Variants in MFSD11 observed in about 807,000 individuals in gnomAD.
MFSD11 encodes UNC93-like protein MFSD11.
In MFSD11, 36 loss-of-function variants were observed where a neutral mutation model predicts 53.5. That is an observed-to-expected ratio of 0.67 (90% CI 0.52 to 0.89). The LOEUF (loss-of-function observed/expected upper bound fraction) is 0.89. MFSD11 is among the 40% of genes least tolerant of loss of function. MFSD11 has a pLI of 0.00. For missense variants in MFSD11, 530 were observed against 543.9 expected, an observed-to-expected ratio of 0.97 and a Z score of 0.25; for synonymous variants, 186 against 184.9, an observed-to-expected ratio of 1.01 and a Z score of -0.05.
intron 7 of MFSD11, among the ~76,000 whole-genome samples, chr17:76,747,446 C>T (rs375072479): frequency 7.9e-5 from 12 of 152,086 alleles, no homozygotes; most frequent in African/African-American, 2.2e-4. Context: ...GTGATTCTTC[C>T]GCCTCAGCCT....
intron 2 of MFSD11, among the ~76,000 whole-genome samples, 159 bp from the exon 3 acceptor site, chr17:76,740,798 A>G (rs2077998742): frequency 3.3e-5 from 5 of 152,154 alleles, no homozygotes; most frequent in South Asian, 2.1e-4. Context: ...AAACTTTTAT[A>G]TGGTATTGAA....
In MFSD11 at chr17:76,767,037, T is replaced by G. The variant is rs536697657; in HGVS notation, c.683-349T>G. ...TAATTCTTTAGGGAAGTCAGTGCTT[T>G]GCTGATTGTTGACTCTCTCAAGAGC... On this transcript the variant is annotated intron_variant, in intron 8 of 12. Transcript: ENST00000685175. The G allele has an allele frequency of 6.2e-5, 12 of 193,272 alleles. 1 individual carries two copies. In the South Asian group the frequency reaches 6.7e-4, roughly 11 times the overall value. The allele number at this position is 193,272 out of a possible 1,614,324, so 12.0% of individuals were successfully genotyped here.
chr17:76,739,786 T>C (rs1342497068), intron 2 of MFSD11, among the ~76,000 whole-genome samples: 2 of 152,146 alleles, frequency 1.3e-5, no homozygotes, highest in Non-Finnish European at 2.9e-5. Context: ...GTATGTAATA[T>C]TTGAGAATGA....
downstream of MFSD11, among the ~76,000 whole-genome samples, chr17:76,780,092 A>T (rs751810905): frequency 9.2e-5 from 14 of 151,974 alleles, no homozygotes; most frequent in East Asian, 3.9e-4. Flanking sequence ...TTTTTTTTTT[A>T]AATTGAAATC....
At chr17:76,740,838 CTAAA>C (rs1204690441) in intron 2 of MFSD11, 115 bp from the exon 3 acceptor site, 5 of 638,342 alleles carry the variant, frequency 7.8e-6, no homozygotes, top group South Asian at 1.9e-5. Flanking sequence ...TAAATTCTGA[CTAAA>C]TAATATGAGT....
chr17:76,788,388 CAG>C, the MFSD11 span, among the ~76,000 whole-genome samples: 1 of 148,290 alleles, frequency 6.7e-6, no homozygotes, highest in African/African-American at 2.5e-5. Context: ...TGTTTTGAGA[CAG>C]AGTCTCGCTG....
chr17:76,755,827 T>A lies in MFSD11; in HGVS notation c.682+1740T>A, dbSNP rs1178389884. ...ATATATATATATTTTTTTTTTTTTT[T>A]TTTTTTTTTTTTTGAGATGGAGTTT... On this transcript the variant is annotated intron_variant, in intron 8 of 12. Transcript: ENST00000685175. Among the ~76,000 whole-genome samples, 94 of 80,368 alleles carry A rather than the reference T, an allele frequency of 1.2e-3. 5 individuals carry two copies. The highest frequency in any genetic ancestry group is 3.2e-3 in the African/African-American group (74 of 23,166). The allele number at this position is 80,368 out of a possible 152,430, so 52.7% of individuals were successfully genotyped here. A position where few individuals can be genotyped will look rare whatever the true frequency, so the allele number is the denominator to read the frequency against.
chr17:76,750,357 GTTAGTAATTTTTTTTTT>G (rs1429071102), intron 7 of MFSD11, among the ~76,000 whole-genome samples: 1 of 146,930 alleles, frequency 6.8e-6, no homozygotes, highest in Non-Finnish European at 1.5e-5. Flanking sequence ...TTTTTTGTGT[GTTAGTAATTTTTTTTTT>G]TTTTTTTTTT....
chr17:76,777,185 G>A (rs1250282452), intron 12 of MFSD11, among the ~76,000 whole-genome samples: 2 of 151,528 alleles, frequency 1.3e-5, no homozygotes, highest in Non-Finnish European at 2.9e-5. Flanking sequence ...GGAGAATGGT[G>A]TGAACCCGGG....
In MFSD11 at chr17:76,776,667, G is replaced by A; in HGVS notation, c.1185+126G>A. 1 of 918,516 alleles carries A rather than the reference G, an allele frequency of 1.1e-6. No individual in the cohort carries two copies. Among genetic ancestry groups the A allele is most frequent in the Non-Finnish European group, 1.5e-6 (1 of 663,668 alleles). The allele number at this position is 918,516 out of a possible 1,614,324, so 56.9% of individuals were successfully genotyped here. The stretch of plus-strand genomic sequence containing the variant: ...TATTTATTTTTATTTTTTTGATAGA[G>A]TCTCTCTCTGTCACTCAGGCTGGAG... On this transcript the variant is annotated intron_variant, in intron 12 of 12. Transcript: ENST00000685175. This position sits in a 1 kb window ranked among gnomAD's most constrained non-coding sequence, Gnocchi z 4.2.
downstream of MFSD11, among the ~76,000 whole-genome samples, chr17:76,781,608 C>T (rs182331039): frequency 6.6e-5 from 10 of 152,242 alleles, no homozygotes; most frequent in Admixed American, 6.5e-4. Context: ...CTGTACAACC[C>T]TGCTGGCAGA....
chr17:76,802,512 G>A, the MFSD11 span, among the ~76,000 whole-genome samples: 6 of 152,262 alleles, frequency 3.9e-5, no homozygotes, highest in African/African-American at 9.6e-5. Context: ...TCCGAGCAGC[G>A]TTATTTATAA....
chr17:76,801,824 C>CT, the MFSD11 span, among the ~76,000 whole-genome samples: 2 of 152,080 alleles, frequency 1.3e-5, no homozygotes, highest in African/African-American at 4.8e-5. Context: ...TCAGCAGGGT[C>CT]TTTAAGACTT....
chr17:76,795,319 C>A, the MFSD11 span, among the ~76,000 whole-genome samples: 74 of 116,218 alleles, frequency 6.4e-4, no homozygotes, highest in South Asian at 9.3e-4. Flanking sequence ...CTGTTTCTAC[C>A]AAAAAAAAAA....
chr17:76,749,468 G>A (rs1295425575), intron 7 of MFSD11, among the ~76,000 whole-genome samples: 1 of 151,736 alleles, frequency 6.6e-6, no homozygotes, highest in Non-Finnish European at 1.5e-5. Context: ...CGCGGAGGTT[G>A]CAGTGAGCCA....
chr17:76,798,446 G>A, the MFSD11 span, among the ~76,000 whole-genome samples: 1 of 152,202 alleles, frequency 6.6e-6, no homozygotes, highest in East Asian at 1.9e-4. Flanking sequence ...GGGATGAAAC[G>A]CCCAACCTTC....
chr17:76,769,654 C>A, intron 9 of MFSD11, 92 bp from the exon 10 acceptor site: 4 of 965,196 alleles, frequency 4.1e-6, no homozygotes, highest in South Asian at 1.6e-5. Flanking sequence ...TGTTTTACTA[C>A]GCAAGTATTC....
rs778211604 is a variant in MFSD11 at position 76,769,860 on chromosome 17, G to A, written c.863G>A (p.Gly288Glu). Reference protein sequence around the residue: ...IGLSGIFIGIGEILGGSLFGL... With the variant: ...IGLSGIFIGIEEILGGSLFGL... ...CTTTCTGGCATTTTCATCGGCATTG[G>A]AGAAATTTTAGGTTGGTTTTAAAAA... The change falls in exon 10 of 13, where the codon GGA (glycine) becomes GAA (glutamate). Residue 288 changes from glycine to glutamate, a missense_variant. Transcript: ENST00000685175. 8.7e-6 allele frequency: 14 copies of A among 1,606,702 alleles called. No homozygotes were observed. Among genetic ancestry groups the A allele is most frequent in the Admixed American group, 3.5e-5 (2 of 57,856 alleles).
In MFSD11 at chr17:76,767,438, A is replaced by G; in HGVS notation, c.735A>G (p.Thr245=). ...AGGAGATGCTCCTTCTTAGTATTAC[A>G]ACTGCTTATACAGGTAATGGAATTA... ...VTKEMLLLSI[T]TAYTGLELTF... is the part of the protein sequence containing the mutation. The change falls in exon 9 of 13, where the codon ACA becomes ACG. Residue 245 remains threonine (T), a synonymous_variant. Coordinates refer to ENST00000685175, the MANE Select transcript of MFSD11 (RefSeq NM_001242532.5). The G allele has an allele frequency of 6.3e-7, 1 of 1,593,810 alleles. No individual in the cohort carries two copies. The highest frequency in any genetic ancestry group is 8.6e-7 in the Non-Finnish European group (1 of 1,162,662).
Sources: allele counts gnomAD v4.1 joint callset (sites outside exome capture counted in the v4.1 genomes callset), GRCh38; gene constraint gnomAD v4.1.1; non-coding constraint Gnocchi (gnomAD v3.1); transcripts MANE v1.5; gene names NCBI Gene and HGNC (gene_info 2026-07-23, HGNC 2026-07-21).